The following GPR158 variants were observed in gnomAD, a reference collection of about 807,000 sequenced individuals.
GPR158 encodes G protein-coupled receptor 158, also known as metabotropic glycine receptor.
In GPR158, 30 loss-of-function variants were observed where a neutral mutation model predicts 78.2. The observed-to-expected ratio is 0.38, with a 90% confidence interval of 0.29 to 0.52. The LOEUF is 0.52. Ranked by LOEUF, GPR158 falls within the 20% of genes least tolerant of loss-of-function variation. GPR158 has a pLI of 0.83. For missense variants in GPR158, 1,463 were observed against 1,523.5 expected, an observed-to-expected ratio of 0.96 and a Z score of 0.66; for synonymous variants, 581 against 591.1, an observed-to-expected ratio of 0.98 and a Z score of 0.25.
chr10:25,574,851 C>T (rs1193027036), intron 7 of GPR158, among the ~76,000 whole-genome samples: 1 of 152,096 alleles, frequency 6.6e-6, no homozygotes, highest in East Asian at 1.9e-4. Context: ...TGCCACTGCA[C>T]TCCAGCCTGG....
chr10:25,289,208 C>T (rs1031620985), intron 2 of GPR158, among the ~76,000 whole-genome samples: 4 of 152,140 alleles, frequency 2.6e-5, no homozygotes, highest in Non-Finnish European at 5.9e-5. Context: ...ACTGGGGACA[C>T]AAAGTTGAAT....
At chr10:25,264,145 CCTT>C (rs1192536458) in intron 2 of GPR158, among the ~76,000 whole-genome samples, 1 of 152,104 alleles carries the variant, frequency 6.6e-6, no homozygotes, top group Non-Finnish European at 1.5e-5. Context: ...ATGAGTCACA[CCTT>C]CTGCTTTTTA....
At chr10:25,248,779 G>T (rs1353446618) in intron 2 of GPR158, among the ~76,000 whole-genome samples, 3 of 150,622 alleles carry the variant, frequency 2.0e-5, no homozygotes, top group African/African-American at 7.3e-5. Context: ...TTTGGCTTAG[G>T]ATTGACTTGG....
At chr10:25,296,011 T>A (rs1306787954) in intron 2 of GPR158, among the ~76,000 whole-genome samples, 3 of 148,758 alleles carry the variant, frequency 2.0e-5, no homozygotes, top group African/African-American at 7.5e-5. Context: ...GGCAGTGCTT[T>A]TAGTAAAAGG....
intron 5 of GPR158, among the ~76,000 whole-genome samples, chr10:25,536,228 A>G (rs975234212): frequency 9.2e-5 from 14 of 152,146 alleles, no homozygotes; most frequent in African/African-American, 2.9e-4. Context: ...TTAATATTAA[A>G]GATATTAATT....
Position 25,521,210 on chromosome 10 carries a change from G to A in GPR158, c.1405-29766G>A, listed in dbSNP as rs558762701. ...CGCTTCCCAGGTGAGGCAATGCCTC[G>A]CCCTGCTTCGGCTCGCGCACGGTGC... On this transcript the variant is annotated intron_variant, in intron 5 of 10. Transcript: ENST00000376351. Among the ~76,000 whole-genome samples the A allele has an allele frequency of 3.6e-4, 55 of 152,316 alleles. 1 individual carries two copies. Among genetic ancestry groups the A allele is most frequent in the African/African-American group, 1.1e-3 (44 of 41,570 alleles).
At chr10:25,254,497 T>C (rs1853866621) in intron 2 of GPR158, among the ~76,000 whole-genome samples, 1 of 152,188 alleles carries the variant, frequency 6.6e-6, no homozygotes, top group Non-Finnish European at 1.5e-5. Context: ...TCTTTAATAA[T>C]TTCCGTGTAG....
chr10:25,344,191 C>T (rs1476454380), intron 2 of GPR158, among the ~76,000 whole-genome samples: 2 of 151,950 alleles, frequency 1.3e-5, no homozygotes, highest in African/African-American at 2.4e-5. Flanking sequence ...TGAAAGAATT[C>T]ACTGGCAGTA....
chr10:25,364,132 A>G (rs147917370), intron 2 of GPR158, among the ~76,000 whole-genome samples: 50 of 151,864 alleles, frequency 3.3e-4, no homozygotes, highest in African/African-American at 1.1e-3. Context: ...AGTAAGGAAA[A>G]TAATATTTAA....
intron 2 of GPR158, among the ~76,000 whole-genome samples, chr10:25,327,295 G>C (rs1158419121): frequency 6.6e-6 from 1 of 151,698 alleles, no homozygotes; most frequent in Non-Finnish European, 1.5e-5. Flanking sequence ...CACACACACA[G>C]TAACCTGAAG....
chr10:25,480,020 T>C (rs943878235), intron 5 of GPR158, among the ~76,000 whole-genome samples: 1 of 152,152 alleles, frequency 6.6e-6, no homozygotes, highest in African/African-American at 2.4e-5. Context: ...TTTTGTTTTA[T>C]TTTCATTTTT....
chr10:25,479,077 G>A (rs1252513526), intron 5 of GPR158, among the ~76,000 whole-genome samples: 2 of 151,850 alleles, frequency 1.3e-5, no homozygotes, highest in Non-Finnish European at 1.5e-5. Flanking sequence ...CCAAGTCTTT[G>A]CTATTGTGAG....
intron 5 of GPR158, among the ~76,000 whole-genome samples, chr10:25,521,505 G>A (rs905882981): frequency 1.3e-5 from 2 of 152,078 alleles, no homozygotes; most frequent in Admixed American, 6.5e-5. Flanking sequence ...CTTAATAGTT[G>A]ACCTCCTGAA....
chr10:25,252,268 T>C (rs370178662), intron 2 of GPR158, among the ~76,000 whole-genome samples: 135 of 150,960 alleles, frequency 8.9e-4, no homozygotes, highest in South Asian at 4.4e-3. Context: ...AATGTCCTCC[T>C]GTAGCTCAGA....
intron 5 of GPR158, among the ~76,000 whole-genome samples, chr10:25,486,151 A>G (rs1030737067): frequency 3.9e-5 from 6 of 152,148 alleles, no homozygotes; most frequent in Admixed American, 6.6e-5. Flanking sequence ...GAGCAGTCCA[A>G]ATGGGCTAAG....
At chr10:25,575,263 T>G (rs1200411676) in intron 7 of GPR158, among the ~76,000 whole-genome samples, 3 of 152,114 alleles carry the variant, frequency 2.0e-5, no homozygotes, top group Admixed American at 6.5e-5. Context: ...TTAGAGGAAT[T>G]TAGAGAAGCA....
intron 2 of GPR158, among the ~76,000 whole-genome samples, chr10:25,289,077 C>A (rs1293454649): frequency 6.6e-6 from 1 of 152,172 alleles, no homozygotes; most frequent in Admixed American, 6.5e-5. Context: ...TGGCCTCTGG[C>A]AAATGTTTTA....
chr10:25,480,520 A>T (rs180721263), intron 5 of GPR158, among the ~76,000 whole-genome samples: 22 of 149,444 alleles, frequency 1.5e-4, no homozygotes, highest in African/African-American at 5.1e-4. Flanking sequence ...GCCTTTGAAC[A>T]TCTGTTATAC....
At position 25,203,661 on chromosome 10, in the gene GPR158, T is replaced by C. The variant is rs1852968571; in HGVS notation, c.903-17391T>C. On this transcript the variant is annotated intron_variant, in intron 1 of 10. Transcript: ENST00000376351. ...ATGCTGTTTTTGGTTACTGTAGCCTTGTAGTATAGTTTGAAGTCAGGTAGT... is the reference window on the plus strand; with the variant it reads ...ATGCTGTTTTTGGTTACTGTAGCCTCGTAGTATAGTTTGAAGTCAGGTAGT... 2.1e-5 allele frequency among the ~76,000 whole-genome samples: 3 copies of C among 145,514 alleles called. 1 individual carries two copies. Among genetic ancestry groups the C allele is most frequent in the Non-Finnish European group, 4.5e-5 (3 of 66,956 alleles).
Sources: allele counts gnomAD v4.1 joint callset (sites outside exome capture counted in the v4.1 genomes callset), GRCh38; gene constraint gnomAD v4.1.1; transcripts MANE v1.5; gene names NCBI Gene and HGNC (gene_info 2026-07-23, HGNC 2026-07-21).